The following ANO6 variants were observed in gnomAD, a reference collection of about 807,000 sequenced individuals.
The protein encoded by ANO6 is anoctamin-6.
ANO6 carries 106 observed loss-of-function variants against 117.5 expected under a neutral mutation model. That is an observed-to-expected ratio of 0.90 (90% CI 0.77 to 1.06). The LOEUF is 1.06. Among genes scored for constraint, ANO6 ranks in the 50% least tolerant of loss-of-function variants. The pLI is 0.00. For synonymous variants in ANO6, 367 were observed against 385.1 expected (o/e 0.95, Z 0.55); for missense variants, 955 against 1,121.1 (o/e 0.85, Z 2.12).
intron 19 of ANO6, among the ~76,000 whole-genome samples, chr12:45,438,676 A>G (rs1404991830): frequency 6.6e-6 from 1 of 152,188 alleles, no homozygotes; most frequent in Non-Finnish European, 1.5e-5. Flanking sequence ...ATTCAAAAAA[A>G]TCTGTAATTT....
intron 2 of ANO6, among the ~76,000 whole-genome samples, chr12:45,307,551 A>G (rs6582542): frequency 0.92 from 140,491 of 152,128 alleles, 65,417 homozygotes; most frequent in Non-Finnish European, 0.99. Context: ...CAGGTGGAGA[A>G]GTCAGTATGC....
intron 2 of ANO6, among the ~76,000 whole-genome samples, chr12:45,318,697 C>G (rs1435779539): frequency 2.0e-5 from 3 of 152,072 alleles, no homozygotes; most frequent in African/African-American, 7.2e-5. Context: ...GGCATTGAAT[C>G]TATAAATTAC....
At chr12:45,426,726 A>AC (rs1465836154) in intron 19 of ANO6, among the ~76,000 whole-genome samples, 2 of 151,686 alleles carry the variant, frequency 1.3e-5, no homozygotes, top group Non-Finnish European at 2.9e-5. Flanking sequence ...TGGCCATTCC[A>AC]CCTCAGGTTC....
intron 1 of ANO6, among the ~76,000 whole-genome samples, chr12:45,259,474 A>C (rs574726651): frequency 6.6e-6 from 1 of 152,208 alleles, no homozygotes; most frequent in Non-Finnish European, 1.5e-5. Context: ...TGAGATGTAG[A>C]GGATAGAAAC....
At chr12:45,315,337 G>C (rs954944391) in intron 2 of ANO6, among the ~76,000 whole-genome samples, 6 of 152,036 alleles carry the variant, frequency 3.9e-5, no homozygotes, top group Admixed American at 2.6e-4. Context: ...ATGAGGAACT[G>C]GGGGAGAAGC....
intron 1 of ANO6, among the ~76,000 whole-genome samples, chr12:45,249,600 A>G (rs2137184260): frequency 1.3e-5 from 2 of 152,304 alleles, no homozygotes; most frequent in South Asian, 4.1e-4. Context: ...TATGTTCAGG[A>G]TAGGAGATGG....
At chr12:45,259,701 A>G (rs187663926) in intron 1 of ANO6, among the ~76,000 whole-genome samples, 120 of 152,330 alleles carry the variant, frequency 7.9e-4, no homozygotes, top group Admixed American at 2.4e-3. Context: ...CTTCTCTGAT[A>G]GTCAAAGCAA....
intron 1 of ANO6, among the ~76,000 whole-genome samples, chr12:45,284,396 A>G (rs1161661913): frequency 6.6e-6 from 1 of 152,244 alleles, no homozygotes; most frequent in Non-Finnish European, 1.5e-5. Flanking sequence ...CTCAAAAGGA[A>G]TTCTGGCTTC....
intron 1 of ANO6, among the ~76,000 whole-genome samples, chr12:45,249,414 A>G (rs1034636812): frequency 6.6e-6 from 1 of 152,232 alleles, no homozygotes; most frequent in African/African-American, 2.4e-5. Context: ...AAAATTTGGT[A>G]TATTAAATAT....
At position 45,216,115 on chromosome 12, in the gene ANO6, C is replaced by A. The variant is rs1314453330; in HGVS notation, c.-207C>A. ...TGCTCAGTCTCCGGGCTCCGCTCGGCAGGCGAGAGGCGTCCTCCGGCTCTG... is the reference window on the plus strand; with the variant it reads ...TGCTCAGTCTCCGGGCTCCGCTCGGAAGGCGAGAGGCGTCCTCCGGCTCTG... On this transcript the variant is annotated 5_prime_UTR_variant, in exon 1 of 20. Coordinates refer to ENST00000320560, the MANE Select transcript of ANO6 (RefSeq NM_001025356.3). 3.5e-6 allele frequency: 2 copies of A among 575,930 alleles called. No individual in the cohort carries two copies. Among genetic ancestry groups the A allele is most frequent in the Non-Finnish European group, 6.1e-6 (2 of 327,586 alleles). The allele number at this position is 575,930 out of a possible 1,614,324, so 35.7% of individuals were successfully genotyped here.
At chr12:45,221,317 G>GTACATA (rs1423645564) in intron 1 of ANO6, among the ~76,000 whole-genome samples, 1 of 152,128 alleles carries the variant, frequency 6.6e-6, no homozygotes, top group Non-Finnish European at 1.5e-5. Context: ...GCAATAAAAG[G>GTACATA]TACATATAAA....
downstream of ANO6, among the ~76,000 whole-genome samples, chr12:45,436,563 G>T (rs1943709329): frequency 6.6e-6 from 1 of 152,160 alleles, no homozygotes; most frequent in Non-Finnish European, 1.5e-5. Context: ...TCCCCTTGGA[G>T]GTGAATGTTT....
rs201794979 is a variant in ANO6 at position 45,348,251 on chromosome 12, G to A, written c.569G>A (p.Arg190Gln). ...TTCACTGCCCCATTTGAGAAGAACC[G>A]GATGAATGATTTTTACATAGTTGAT... Reference protein sequence around the residue: ...EFFTAPFEKNRMNDFYIVDRD... With the variant: ...EFFTAPFEKNQMNDFYIVDRD... Residue 190 changes from arginine to glutamine, a missense_variant, in exon 5 of 20, where the codon CGG (arginine) becomes CAG (glutamine). Coordinates refer to ENST00000320560, the MANE Select transcript of ANO6 (RefSeq NM_001025356.3). 2.4e-5 allele frequency: 38 copies of A among 1,614,014 alleles called. No homozygotes were observed. In the East Asian group the frequency reaches 4.5e-4, roughly 19 times the overall value.
At chr12:45,228,935 C>T (rs1311823151) in intron 1 of ANO6, among the ~76,000 whole-genome samples, 1 of 152,148 alleles carries the variant, frequency 6.6e-6, no homozygotes, top group Non-Finnish European at 1.5e-5. Context: ...CATATCCCTG[C>T]ACAGTCTCAG....
At chr12:45,387,949 A>G (rs1295347735) in intron 10 of ANO6, among the ~76,000 whole-genome samples, 1 of 152,020 alleles carries the variant, frequency 6.6e-6, no homozygotes, top group Non-Finnish European at 1.5e-5. Flanking sequence ...TTCACCTTAC[A>G]CCATGATTTT....
At chr12:45,418,149 T>C (rs955412223) in intron 17 of ANO6, among the ~76,000 whole-genome samples, 5 of 152,158 alleles carry the variant, frequency 3.3e-5, no homozygotes. Context: ...CTCTGACAGG[T>C]ACCCCAATTG....
intron 1 of ANO6, among the ~76,000 whole-genome samples, chr12:45,229,812 A>G (rs1176394913): frequency 1.3e-5 from 2 of 152,062 alleles, no homozygotes; most frequent in Non-Finnish European, 2.9e-5. Flanking sequence ...TTGAGTTCAA[A>G]TTCTGGCCTA....
chr12:45,218,096 CCAGT>C (rs1947343539), intron 1 of ANO6, among the ~76,000 whole-genome samples: 2 of 152,094 alleles, frequency 1.3e-5, no homozygotes, highest in African/African-American at 4.8e-5. Flanking sequence ...CTAGTTTTGT[CCAGT>C]CAAACAGTGT....
At chr12:45,320,024 C>T (rs1940201715) in intron 2 of ANO6, among the ~76,000 whole-genome samples, 1 of 152,112 alleles carries the variant, frequency 6.6e-6, no homozygotes, top group South Asian at 2.1e-4. Flanking sequence ...CCTTATTAGT[C>T]TTGCTAGCGG....
Sources: allele counts gnomAD v4.1 joint callset (sites outside exome capture counted in the v4.1 genomes callset), GRCh38; gene constraint gnomAD v4.1.1; transcripts MANE v1.5; gene names NCBI Gene and HGNC (gene_info 2026-07-23, HGNC 2026-07-21).